SAMD11: variants seen among roughly 807,000 people sequenced by gnomAD.
SAMD11 encodes the protein sterile alpha motif domain containing 11, also known as sterile alpha motif domain-containing protein 11.
A neutral mutation model predicts 64.4 loss-of-function variants in SAMD11; 77 were observed. The observed-to-expected ratio is 1.20, with a 90% CI of 0.99 to 1.44. SAMD11 has a LOEUF of 1.44. SAMD11 is among the 40% of genes most tolerant of loss of function. The pLI, the probability that SAMD11 is intolerant of heterozygous loss-of-function variation, is 0.00. For missense variants in SAMD11, 1,402 were observed against 943.3 expected, an observed-to-expected ratio of 1.49 and a Z score of -6.37; for synonymous variants, 658 against 421.9, an observed-to-expected ratio of 1.56 and a Z score of -6.86.
chr1:931,121 G>A, intron 4 of SAMD11, 32 bp downstream of exon 4: 1 of 1,602,820 alleles, frequency 6.2e-7, no homozygotes, highest in Non-Finnish European at 8.5e-7. Flanking sequence ...CATAAGAGGG[G>A]GCCGTGACTC....
chr1:942,103 G>C, intron 8 of SAMD11, 33 bp from the exon 9 acceptor site: 1 of 642,604 alleles, frequency 1.6e-6, no homozygotes, highest in South Asian at 2.3e-5. Flanking sequence ...ACGGGGGCGG[G>C]GGGGACGCCG....
intron 2 of SAMD11, among the ~76,000 whole-genome samples, chr1:927,860 AC>A (rs1003950343): frequency 2.0e-5 from 3 of 151,962 alleles, no homozygotes; most frequent in African/African-American, 7.3e-5. Flanking sequence ...GGTCCTCAGC[AC>A]CCCCATCAGC....
intron 8 of SAMD11, among the ~76,000 whole-genome samples, chr1:941,818 C>A (rs1180231234): frequency 1.3e-5 from 2 of 152,160 alleles, no homozygotes; most frequent in Non-Finnish European, 1.5e-5. Flanking sequence ...TCCACCGCCG[C>A]CCGGATTGCG....
At chr1:929,070 C>T (rs1166690858) in intron 2 of SAMD11, among the ~76,000 whole-genome samples, 1 of 152,224 alleles carries the variant, frequency 6.6e-6, no homozygotes, top group African/African-American at 2.4e-5. Flanking sequence ...TTAAAAAAGC[C>T]TCCCGCCCAC....
chr1:930,109 C>G (rs1262270747), intron 2 of SAMD11, 46 bp from the exon 3 acceptor site: 1 of 1,529,000 alleles, frequency 6.5e-7, no homozygotes, highest in Admixed American at 2.0e-5. Flanking sequence ...TCCTGCCCCA[C>G]CTTCCTCTCC....
chr1:943,454 G>C, intron 12 of SAMD11, 77 bp downstream of exon 12: 1 of 1,297,780 alleles, frequency 7.7e-7, no homozygotes, highest in South Asian at 1.4e-5. Context: ...GGATGGTGGG[G>C]TAGGGCCATT....
At chr1:932,256 G>A (rs550387258) in intron 4 of SAMD11, among the ~76,000 whole-genome samples, 129 of 152,282 alleles carry the variant, frequency 8.5e-4, no homozygotes, top group Non-Finnish European at 4.4e-4. Flanking sequence ...AAACCCAGCC[G>A]CGGTCCCCCC....
At chr1:941,747 G>A (rs1002417589) in intron 8 of SAMD11, among the ~76,000 whole-genome samples, 3 of 151,990 alleles carry the variant, frequency 2.0e-5, no homozygotes, top group South Asian at 4.1e-4. Context: ...CCTGGAGAAG[G>A]GAGGGGCCGC....
chr1:943,520 C>T lies in SAMD11; in HGVS notation c.2178+143C>T, dbSNP rs554021048. ...TGCGCAGCAGGGACTGGACTGTGCA[C>T]CCCACCTTTTTTTTTTTTTTTTTTT... On this transcript the variant is annotated intron_variant, in intron 12 of 13. Coordinates refer to ENST00000616016, the MANE Select transcript of SAMD11 (RefSeq NM_001385641.1). 3,832 of 882,282 alleles carry T rather than the reference C, an allele frequency of 4.3e-3. 18 individuals are homozygous for T. Among genetic ancestry groups the T allele is most frequent in the Middle Eastern group, 6.8e-3 (19 of 2,812 alleles). 54.7% of individuals were successfully genotyped at this position (882,282 alleles called of 1,614,324 possible).
chr1:930,782 C>T, intron 3 of SAMD11, among the ~76,000 whole-genome samples: 1 of 152,254 alleles, frequency 6.6e-6, no homozygotes, highest in East Asian at 1.9e-4. Flanking sequence ...GAGAAGGGGC[C>T]TCGGTCCTGT....
chr1:941,942 C>G (rs1641796247), intron 8 of SAMD11, among the ~76,000 whole-genome samples, 194 bp from the exon 9 acceptor site: 1 of 152,024 alleles, frequency 6.6e-6, no homozygotes, highest in South Asian at 2.1e-4. Context: ...GCCGGGTCAG[C>G]GCCTCCGCGC....
chr1:941,038 C>G lies in SAMD11; in HGVS notation c.1196-106C>G, dbSNP rs571735615. On this transcript the variant is annotated intron_variant, in intron 7 of 13. Coordinates refer to ENST00000616016, the MANE Select transcript of SAMD11 (RefSeq NM_001385641.1). ...GACCAGCCCAGGGGCCGAGCACGGC[C>G]GAGTGGTGTGGTCAGTTCCCCACCT... 325 of 1,080,256 alleles carry G rather than the reference C, an allele frequency of 3.0e-4. 2 individuals carry two copies. The African/African-American group carries it at 4.2e-3, about 14-fold the overall frequency. 66.9% of individuals were successfully genotyped at this position (1,080,256 alleles called of 1,614,324 possible). A position where few individuals can be genotyped will look rare whatever the true frequency, so the allele number is the denominator to read the frequency against.
intron 2 of SAMD11, among the ~76,000 whole-genome samples, chr1:926,901 A>AT (rs1003769252): frequency 3.3e-5 from 5 of 152,070 alleles, no homozygotes; most frequent in Non-Finnish European, 7.4e-5. Flanking sequence ...GAGGTGCAAA[A>AT]TGGGCCTGAG....
At chr1:941,869 G>A (rs1461829993) in intron 8 of SAMD11, among the ~76,000 whole-genome samples, 1 of 152,158 alleles carries the variant, frequency 6.6e-6, no homozygotes, top group Non-Finnish European at 1.5e-5. Flanking sequence ...CGGGTCCGCA[G>A]GGGAGGGGAG....
intron 5 of SAMD11, among the ~76,000 whole-genome samples, chr1:938,356 G>A (rs1347026058): frequency 6.6e-6 from 1 of 152,182 alleles, no homozygotes; most frequent in Non-Finnish European, 1.5e-5. Flanking sequence ...CGTGGCTGAG[G>A]AGGTGGGTGA....
intron 5 of SAMD11, among the ~76,000 whole-genome samples, chr1:937,159 C>T (rs1012309716): frequency 9.9e-5 from 15 of 152,138 alleles, no homozygotes; most frequent in Admixed American, 9.2e-4. Context: ...CTTGGAGGGG[C>T]ATTCACCCTG....
At chr1:943,516 T>TGC in intron 12 of SAMD11, 139 bp downstream of exon 12, 1 of 889,542 alleles carries the variant, frequency 1.1e-6, no homozygotes, top group Non-Finnish European at 1.6e-6. Flanking sequence ...GACTGGACTG[T>TGC]GCACCCCACC....
chr1:942,094 C>T (rs1223894982), intron 8 of SAMD11, 42 bp from the exon 9 acceptor site: 20 of 583,524 alleles, frequency 3.4e-5, no homozygotes, highest in Non-Finnish European at 5.0e-5. Flanking sequence ...TTTACGGGAA[C>T]GGGGGCGGGG....
At chr1:926,208 C>G (rs1038750816) in intron 2 of SAMD11, among the ~76,000 whole-genome samples, 195 bp downstream of exon 2, 4 of 152,218 alleles carry the variant, frequency 2.6e-5, no homozygotes, top group African/African-American at 9.6e-5. Flanking sequence ...GGGAGGAGTC[C>G]TCGGGCACCC....
Sources: allele counts gnomAD v4.1 joint callset (sites outside exome capture counted in the v4.1 genomes callset), GRCh38; gene constraint gnomAD v4.1.1; transcripts MANE v1.5; gene names NCBI Gene and HGNC (gene_info 2026-07-23, HGNC 2026-07-21).